The following ATP2B2 variants were observed in gnomAD, a reference collection of about 807,000 sequenced individuals.
ATP2B2 encodes the protein ATPase plasma membrane Ca2+ transporting 2.
A neutral mutation model predicts 120.0 loss-of-function variants in ATP2B2; 15 were observed. That is an observed-to-expected ratio of 0.12 (90% confidence interval 0.08 to 0.19). The LOEUF is 0.19. ATP2B2 is among the 10% of genes least tolerant of loss of function. The pLI, the probability that ATP2B2 is intolerant of heterozygous loss-of-function variation, is 1.00. For missense variants in ATP2B2, 1,045 were observed against 1,719.8 expected, an observed-to-expected ratio of 0.61 and a Z score of 6.94; for synonymous variants, 694 against 700.3, an observed-to-expected ratio of 0.99 and a Z score of 0.14.
At chr3:10,434,786 G>A (rs2063425482) in intron 2 of ATP2B2, among the ~76,000 whole-genome samples, 1 of 152,264 alleles carries the variant, frequency 6.6e-6, no homozygotes, top group African/African-American at 2.4e-5. Flanking sequence ...GGCCCAGGCC[G>A]AGGTGCCCTT....
intron 1 of ATP2B2, chr3:10,626,489 G>A (rs1269749908): frequency 6.6e-6 from 1 of 152,220 alleles, no homozygotes; most frequent in African/African-American, 2.4e-5. Flanking sequence ...TGAGAACCTG[G>A]TGAAAGGATA....
At chr3:10,526,760 G>T (rs972571381) in intron 3 of ATP2B2, among the ~76,000 whole-genome samples, 2 of 152,106 alleles carry the variant, frequency 1.3e-5, no homozygotes, top group African/African-American at 4.8e-5. Context: ...ACTGGGTCCT[G>T]CCTTGCCCTC....
chr3:10,555,165 TA>T (rs2067751510), intron 2 of ATP2B2, among the ~76,000 whole-genome samples: 1 of 152,188 alleles, frequency 6.6e-6, no homozygotes, highest in Admixed American at 6.5e-5. Flanking sequence ...ACGGCAAGGA[TA>T]AAATGTGAGC....
rs116089724 is a variant in ATP2B2, at chr3:10,346,622, C to A, written c.2405-485G>T. 1.3e-5 allele frequency among the ~76,000 whole-genome samples: 2 copies of A among 152,254 alleles called. No homozygotes were observed. The highest frequency in any genetic ancestry group is 4.8e-5 in the African/African-American group (2 of 41,468). On this transcript the variant is annotated intron_variant, in intron 16 of 22. Transcript: ENST00000360273. The surrounding 1 kb of genome is among the most constrained non-coding windows in gnomAD (Gnocchi z 4.1). ...TGCCAGTGACCTCTGCCCCACCATT[C>A]TGGCCCTGACCTCCCTCCAGACATT...
At chr3:10,336,297 C>A (rs1187531135) in intron 22 of ATP2B2, 2 of 1,550,498 alleles carry the variant, frequency 1.3e-6, no homozygotes, top group Non-Finnish European at 1.7e-6. Context: ...TTGACTACTT[C>A]AATCTGCAAC....
At chr3:10,507,226 C>G (rs183951553), upstream of ATP2B2, among the ~76,000 whole-genome samples, 1 of 152,182 alleles carries the variant, frequency 6.6e-6, no homozygotes, top group Non-Finnish European at 1.5e-5. Flanking sequence ...CCCAGGACAC[C>G]CCTCAGGGAG....
At chr3:10,514,080 T>C (rs1276668299) in intron 3 of ATP2B2, among the ~76,000 whole-genome samples, 2 of 152,204 alleles carry the variant, frequency 1.3e-5, no homozygotes, top group Non-Finnish European at 2.9e-5. Context: ...GTGGCTTTGA[T>C]GATCACCCTA....
At chr3:10,597,960 G>A (rs1034466071) in intron 2 of ATP2B2, among the ~76,000 whole-genome samples, 1 of 152,182 alleles carries the variant, frequency 6.6e-6, no homozygotes, top group African/African-American at 2.4e-5. Context: ...CATTTCGGGA[G>A]CCGATTTGAA....
intron 14 of ATP2B2, among the ~76,000 whole-genome samples, chr3:10,357,720 G>C (rs1227659956): frequency 6.6e-6 from 1 of 152,214 alleles, no homozygotes; most frequent in African/African-American, 2.4e-5. Context: ...AGCTGAGTGA[G>C]TCCTGGGAGG....
Position 10,686,867 on chromosome 3 carries a change from G to A in ATP2B2, c.-460+21048C>T, listed in dbSNP as rs556963171. Among the ~76,000 whole-genome samples, 94 of 152,342 alleles carry A rather than the reference G, an allele frequency of 6.2e-4. 2 individuals are homozygous for A. In the South Asian group the frequency reaches 8.1e-3, roughly 13 times the overall value. ...ATTCCTGAAAGCCACTAAGCCACTA[G>A]TTCTGAATCACTGGGGTGGGAGTGG... On this transcript the variant is annotated intron_variant, in intron 1 of 21. Coordinates refer to the ATP2B2 transcript ENST00000646379.
At chr3:10,610,065 A>C (rs7644361) in intron 2 of ATP2B2, among the ~76,000 whole-genome samples, 187 of 130,544 alleles carry the variant, frequency 1.4e-3, no homozygotes, top group African/African-American at 6.0e-3. Flanking sequence ...ACACATATAC[A>C]TATACACACA....
At chr3:10,345,819 C>T (rs2060414572) in intron 17 of ATP2B2, among the ~76,000 whole-genome samples, 1 of 152,180 alleles carries the variant, frequency 6.6e-6, no homozygotes, top group South Asian at 2.1e-4. Context: ...CCTGCAAGTG[C>T]CCCCCTTCAC....
intron 3 of ATP2B2, among the ~76,000 whole-genome samples, chr3:10,515,809 A>C (rs1223434294): frequency 6.6e-6 from 1 of 152,184 alleles, no homozygotes; most frequent in Non-Finnish European, 1.5e-5. Flanking sequence ...GAATTAACTG[A>C]GATACTGCCT....
At chr3:10,486,700 C>T (rs1197977107) in intron 1 of ATP2B2, among the ~76,000 whole-genome samples, 2 of 152,084 alleles carry the variant, frequency 1.3e-5, no homozygotes, top group African/African-American at 2.4e-5. Flanking sequence ...ATCACCCCAG[C>T]TGGAATTATT....
intron 2 of ATP2B2, among the ~76,000 whole-genome samples, chr3:10,590,991 T>TC (rs765000388): frequency 3.3e-5 from 5 of 151,964 alleles, no homozygotes; most frequent in Admixed American, 6.6e-5. Context: ...CCGTGCCCTG[T>TC]CCCTGTAGGT....
intron 2 of ATP2B2, among the ~76,000 whole-genome samples, chr3:10,585,922 A>G (rs562059646): frequency 6.6e-6 from 1 of 152,204 alleles, no homozygotes; most frequent in Non-Finnish European, 1.5e-5. Context: ...AGACTCTCCA[A>G]ACTCTCTGTT....
intron 2 of ATP2B2, among the ~76,000 whole-genome samples, chr3:10,562,397 T>C (rs2067922307): frequency 6.6e-6 from 1 of 152,064 alleles, no homozygotes; most frequent in African/African-American, 2.4e-5. Flanking sequence ...GTCTCCTAAG[T>C]GGTATGTTCT....
At chr3:10,460,433 T>G (rs2064439390) in intron 1 of ATP2B2, among the ~76,000 whole-genome samples, 1 of 152,088 alleles carries the variant, frequency 6.6e-6, no homozygotes, top group Non-Finnish European at 1.5e-5. Flanking sequence ...AGGATGTTAT[T>G]AAGTGCCCCT....
intron 2 of ATP2B2, among the ~76,000 whole-genome samples, chr3:10,542,633 T>C (rs1250193065): frequency 6.6e-6 from 1 of 152,244 alleles, no homozygotes; most frequent in Non-Finnish European, 1.5e-5. Context: ...GGTTGATAGT[T>C]CTATTCTTTC....
Sources: gnomAD v4.1 joint callset for allele counts (sites outside exome capture counted in the v4.1 genomes callset) on GRCh38, gnomAD v4.1.1 for gene constraint, Gnocchi (gnomAD v3.1) non-coding constraint, MANE v1.5 for transcripts, NCBI Gene and HGNC (gene_info 2026-07-23, HGNC 2026-07-21) for gene names.